The following NME7 variants were observed in gnomAD, a reference collection of about 807,000 sequenced individuals.
NME7 encodes NME/NM23 family member 7, also known as nucleoside diphosphate kinase 7.
Under a neutral mutation model 49.1 loss-of-function variants are expected in NME7, and 41 were observed. The ratio of observed to expected loss-of-function variants is 0.83; its 90% CI spans 0.65 to 1.08. NME7 has a LOEUF of 1.08. NME7 is among the 50% of genes least tolerant of loss of function. The probability of loss-of-function intolerance (pLI) is 0.00; values close to 1 mark genes in which losing one functional copy is unlikely to be tolerated. For missense variants in NME7, 423 were observed against 463.4 expected (o/e 0.91, Z 0.80); for synonymous variants, 139 against 150.6 (o/e 0.92, Z 0.56).
At chr1:169,361,910 T>C (rs1039060272) in intron 1 of NME7, among the ~76,000 whole-genome samples, 6 of 152,102 alleles carry the variant, frequency 3.9e-5, no homozygotes, top group African/African-American at 1.4e-4. Flanking sequence ...TATGAAACTG[T>C]CTTTGAAAAC....
chr1:169,180,211 G>T (rs1482547026), intron 10 of NME7, among the ~76,000 whole-genome samples: 1 of 152,134 alleles, frequency 6.6e-6, no homozygotes, highest in East Asian at 1.9e-4. Flanking sequence ...AATGTCTAAT[G>T]GTGTCTGGCC....
intron 10 of NME7, among the ~76,000 whole-genome samples, chr1:169,216,960 C>A (rs1229509237): frequency 6.6e-6 from 1 of 152,064 alleles, no homozygotes; most frequent in Non-Finnish European, 1.5e-5. Flanking sequence ...ATGTCCTCAC[C>A]ACATACACAA....
At chr1:169,240,446 G>A (rs996791206) in intron 7 of NME7, among the ~76,000 whole-genome samples, 2 of 151,858 alleles carry the variant, frequency 1.3e-5, no homozygotes, top group African/African-American at 4.8e-5. Flanking sequence ...AAAAATAGTG[G>A]AATATTTTAA....
At chr1:169,253,488 T>A (rs563757083) in intron 7 of NME7, among the ~76,000 whole-genome samples, 5 of 152,168 alleles carry the variant, frequency 3.3e-5, no homozygotes, top group African/African-American at 1.2e-4. Flanking sequence ...TTTCTAGATA[T>A]ACAATCATGT....
chr1:169,278,264 T>A (rs1198364215), intron 7 of NME7, among the ~76,000 whole-genome samples: 1 of 150,826 alleles, frequency 6.6e-6, no homozygotes, highest in East Asian at 2.0e-4. Context: ...TTCTCCTGGA[T>A]AATATCCTGC....
Position 169,266,782 on chromosome 1 carries a change from T to A in NME7, c.754+20521A>T, listed in dbSNP as rs1330775956. On this transcript the variant is annotated intron_variant, in intron 7 of 11. Coordinates refer to ENST00000367811, the MANE Select transcript of NME7 (RefSeq NM_013330.5). ...AGGATACAAAATCAATTTATAAAAA[T>A]CAGGGCCAGGTGCAGTGGCTCACAC... 2.3e-5 allele frequency among the ~76,000 whole-genome samples: 3 copies of A among 133,282 alleles called. 1 individual carries two copies. The East Asian group carries it at 6.0e-4, about 26-fold the overall frequency. 87.4% of individuals were successfully genotyped at this position (133,282 alleles called of 152,430 possible). A position where few individuals can be genotyped will look rare whatever the true frequency, so the allele number is the denominator to read the frequency against.
intron 4 of NME7, among the ~76,000 whole-genome samples, chr1:169,307,037 T>G (rs1651197512): frequency 6.6e-6 from 1 of 152,130 alleles, no homozygotes; most frequent in South Asian, 2.1e-4. Context: ...CTTTAACAAA[T>G]GTGGAGTTTG....
chr1:169,348,724 C>T (rs17345426), intron 1 of NME7, among the ~76,000 whole-genome samples: 12,615 of 152,016 alleles, frequency 0.083, 717 homozygotes, highest in Admixed American at 0.19. Context: ...CAATTTTAGC[C>T]CTGTAGTTAT....
chr1:169,194,210 A>G (rs1405046880), intron 10 of NME7, among the ~76,000 whole-genome samples: 2 of 152,200 alleles, frequency 1.3e-5, no homozygotes, highest in African/African-American at 4.8e-5. Flanking sequence ...CTCAATCCCT[A>G]TGGGGGCTAA....
chr1:169,320,307 T>C (rs1187341240), intron 3 of NME7, among the ~76,000 whole-genome samples: 1 of 152,202 alleles, frequency 6.6e-6, no homozygotes, highest in Non-Finnish European at 1.5e-5. Flanking sequence ...GTCAGATTTC[T>C]ACAGTCAAAG....
chr1:169,144,407 C>T (rs931403415), intron 11 of NME7, among the ~76,000 whole-genome samples: 3 of 152,074 alleles, frequency 2.0e-5, no homozygotes, highest in African/African-American at 7.2e-5. Context: ...GAATACTATT[C>T]TATGTTTTGT....
chr1:169,285,991 C>T (rs1413487351), intron 7 of NME7: 1 of 152,040 alleles, frequency 6.6e-6, no homozygotes, highest in African/African-American at 2.4e-5. Context: ...ATTTTAATAT[C>T]AAAACACTGA....
intron 7 of NME7, among the ~76,000 whole-genome samples, chr1:169,241,422 G>A (rs1222440399): frequency 6.6e-6 from 1 of 151,796 alleles, no homozygotes; most frequent in African/African-American, 2.4e-5. Flanking sequence ...CTTTGGTCTT[G>A]CAGATCCATA....
intron 11 of NME7, among the ~76,000 whole-genome samples, chr1:169,135,047 G>A (rs922777264): frequency 2.5e-4 from 23 of 93,058 alleles, no homozygotes; most frequent in South Asian, 3.6e-4. Flanking sequence ...AAAAATAGCC[G>A]AGCATGGTGG....
At chr1:169,169,689 TG>T (rs1255341635) in intron 10 of NME7, 135 bp from the exon 11 acceptor site, 1 of 681,722 alleles carries the variant, frequency 1.5e-6, no homozygotes, top group African/African-American at 1.8e-5. Flanking sequence ...GGTTTTTCTG[TG>T]GCCCAATGTA....
intron 10 of NME7, among the ~76,000 whole-genome samples, chr1:169,184,447 A>T (rs1660013245): frequency 6.6e-6 from 1 of 152,156 alleles, no homozygotes; most frequent in Non-Finnish European, 1.5e-5. Flanking sequence ...ACATGTCCCA[A>T]ATCAAAACAA....
intron 10 of NME7, chr1:169,190,700 G>A (rs1418183313): frequency 4.6e-6 from 2 of 436,166 alleles, no homozygotes; most frequent in African/African-American, 2.1e-5. Flanking sequence ...TTGGAGATTT[G>A]GGGGTCTGGG....
At chr1:169,302,184 G>C (rs1264981366) in intron 5 of NME7, 2 of 152,058 alleles carry the variant, frequency 1.3e-5, no homozygotes, top group African/African-American at 4.8e-5. Flanking sequence ...AACCACTGTA[G>C]AAAATAGTTT....
intron 3 of NME7, among the ~76,000 whole-genome samples, chr1:169,317,989 T>C (rs750191234): frequency 1.3e-5 from 2 of 152,198 alleles, no homozygotes; most frequent in Non-Finnish European, 2.9e-5. Flanking sequence ...GATAGCGTAT[T>C]GTTCTCCTGC....
Sources: allele counts gnomAD v4.1 joint callset (sites outside exome capture counted in the v4.1 genomes callset), GRCh38; gene constraint gnomAD v4.1.1; transcripts MANE v1.5; gene names NCBI Gene and HGNC (gene_info 2026-07-23, HGNC 2026-07-21).